KIAA0825: variants seen among roughly 807,000 people sequenced by gnomAD.
KIAA0825 encodes uncharacterized protein KIAA0825.
A neutral mutation model predicts 147.6 loss-of-function variants in KIAA0825; 119 were observed. The ratio of observed to expected loss-of-function variants is 0.81; its 90% CI spans 0.69 to 0.94. The LOEUF is 0.94. Ranked by LOEUF, KIAA0825 falls within the 40% of genes least tolerant of loss-of-function variation. The pLI, the probability that KIAA0825 is intolerant of heterozygous loss-of-function variation, is 0.00. For synonymous variants in KIAA0825, 470 were observed against 518.1 expected (o/e 0.91, Z 1.26); for missense variants, 1,381 against 1,472.7 (o/e 0.94, Z 1.02).
chr5:94,493,182 A>G (rs138657604), intron 5 of KIAA0825, among the ~76,000 whole-genome samples: 1 of 152,324 alleles, frequency 6.6e-6, no homozygotes, highest in Non-Finnish European at 1.5e-5. Context: ...TGTAGTTTCT[A>G]GAAGTTTCTA....
At chr5:94,532,715 A>G (rs1287899858) in intron 3 of KIAA0825, among the ~76,000 whole-genome samples, 1 of 136,628 alleles carries the variant, frequency 7.3e-6, no homozygotes, top group African/African-American at 2.7e-5. Context: ...TTTTTTTTTC[A>G]GTAGAGATGG....
intron 20 of KIAA0825, among the ~76,000 whole-genome samples, chr5:94,228,173 C>CT (rs1327116518): frequency 2.0e-5 from 3 of 151,996 alleles, no homozygotes; most frequent in Non-Finnish European, 4.4e-5. Flanking sequence ...TCATCTCTTG[C>CT]TTTTTTGGTA....
chr5:94,220,603 T>C (rs1773592277), intron 20 of KIAA0825, among the ~76,000 whole-genome samples: 1 of 152,158 alleles, frequency 6.6e-6, no homozygotes, highest in Admixed American at 6.6e-5. Flanking sequence ...CACTAGGCAA[T>C]AGGAATTTTT....
chr5:94,612,885 C>G (rs755780297), intron 1 of KIAA0825, among the ~76,000 whole-genome samples: 12 of 152,068 alleles, frequency 7.9e-5, no homozygotes, highest in Non-Finnish European at 1.6e-4. Flanking sequence ...AACTAGAGAC[C>G]TTAATAATTT....
chr5:94,246,264 C>T (rs1775605209), intron 20 of KIAA0825, among the ~76,000 whole-genome samples: 1 of 152,078 alleles, frequency 6.6e-6, no homozygotes, highest in Non-Finnish European at 1.5e-5. Context: ...TCTCTTTGTC[C>T]TGTGTATATA....
chr5:94,334,671 A>T (rs1781621705), intron 20 of KIAA0825, among the ~76,000 whole-genome samples: 1 of 152,224 alleles, frequency 6.6e-6, no homozygotes, highest in South Asian at 2.1e-4. Context: ...TTTCGTAGAG[A>T]CAGGGTTTCA....
At chr5:94,171,670 G>A (rs1288631350) in intron 20 of KIAA0825, among the ~76,000 whole-genome samples, 15 of 151,962 alleles carry the variant, frequency 9.9e-5, no homozygotes. Flanking sequence ...CTTGACCCAT[G>A]CATGTATTTT....
intron 1 of KIAA0825, among the ~76,000 whole-genome samples, chr5:94,608,454 T>TATATATATATTATATATAAA (rs1787935215): frequency 1.0e-3 from 1 of 968 alleles, no homozygotes. Context: ...TGTGTGTGTA[T>TATATATATATTATATATAAA]ATATATATAT....
chr5:94,435,909 T>A (rs557060018), intron 14 of KIAA0825, among the ~76,000 whole-genome samples: 1 of 152,318 alleles, frequency 6.6e-6, no homozygotes, highest in African/African-American at 2.4e-5. Context: ...AACTGTTGGC[T>A]GCATGTATAT....
At position 94,438,805 on chromosome 5, in the gene KIAA0825, T is replaced by C. The variant is rs573684922; in HGVS notation, c.2497+1177A>G. On this transcript the variant is annotated intron_variant, in intron 14 of 20. Transcript: ENST00000682413. Reference sequence around the variant, plus strand: ...CACAAGGAAAGGCTATGAACCTCATTTGTATACTAACAGGCTGGTAGGGCC... The same window carrying C: ...CACAAGGAAAGGCTATGAACCTCATCTGTATACTAACAGGCTGGTAGGGCC... Among the ~76,000 whole-genome samples, 34 of 152,296 alleles carry C rather than the reference T, an allele frequency of 2.2e-4. No homozygotes were observed. In the South Asian group the frequency reaches 6.6e-3, roughly 30 times the overall value.
intron 17 of KIAA0825, among the ~76,000 whole-genome samples, chr5:94,395,210 T>C (rs1750479195): frequency 6.6e-6 from 1 of 152,198 alleles, no homozygotes; most frequent in Admixed American, 6.5e-5. Flanking sequence ...TACTCGCCCA[T>C]CTGACTCCAA....
intron 20 of KIAA0825, among the ~76,000 whole-genome samples, chr5:94,224,082 C>CTTTTT (rs869059424): frequency 0.029 from 1,669 of 56,798 alleles, 15 homozygotes; most frequent in Non-Finnish European, 0.036. Flanking sequence ...TTTTTCTTTT[C>CTTTTT]TTTTTTTTTT....
intron 5 of KIAA0825, among the ~76,000 whole-genome samples, chr5:94,487,320 C>T (rs925022309): frequency 6.6e-6 from 1 of 152,180 alleles, no homozygotes; most frequent in African/African-American, 2.4e-5. Flanking sequence ...CATTAATTAG[C>T]AGTCCTTATT....
intron 20 of KIAA0825, among the ~76,000 whole-genome samples, chr5:94,253,796 C>T (rs1583969311): frequency 6.6e-6 from 1 of 152,140 alleles, no homozygotes. Flanking sequence ...CTCATTAAGG[C>T]TTGCTTCATG....
intron 20 of KIAA0825, among the ~76,000 whole-genome samples, chr5:94,175,695 T>C (rs1186768078): frequency 6.6e-6 from 1 of 152,202 alleles, no homozygotes; most frequent in Non-Finnish European, 1.5e-5. Context: ...AGTTCATTAA[T>C]TGATCAAGTT....
At chr5:94,417,086 C>T in intron 15 of KIAA0825, 115 bp downstream of exon 15, 1 of 978,146 alleles carries the variant, frequency 1.0e-6, no homozygotes, top group Non-Finnish European at 1.5e-6. Flanking sequence ...GTAAGGTAAA[C>T]TTTCACCAAC....
chr5:94,486,826 T>C (rs184225763), intron 5 of KIAA0825, among the ~76,000 whole-genome samples: 56 of 152,308 alleles, frequency 3.7e-4, no homozygotes, highest in African/African-American at 1.3e-3. Flanking sequence ...TGAGTGGCTA[T>C]TTTAACCTTC....
At chr5:94,614,989 C>A (rs1790034765) in intron 1 of KIAA0825, among the ~76,000 whole-genome samples, 1 of 151,074 alleles carries the variant, frequency 6.6e-6, no homozygotes, top group South Asian at 2.1e-4. Context: ...ACGCTCACAG[C>A]AATCCTATGG....
chr5:94,531,130 T>TA (rs969652207), intron 3 of KIAA0825, among the ~76,000 whole-genome samples: 1 of 151,820 alleles, frequency 6.6e-6, no homozygotes, highest in African/African-American at 2.4e-5. Context: ...ATACTGTACT[T>TA]AAAAAAAACT....
Sources: allele counts gnomAD v4.1 joint callset (sites outside exome capture counted in the v4.1 genomes callset), GRCh38; gene constraint gnomAD v4.1.1; transcripts MANE v1.5; gene names NCBI Gene and HGNC (gene_info 2026-07-23, HGNC 2026-07-21).